SLC38A1: variants seen among roughly 807,000 people sequenced by gnomAD.
SLC38A1 encodes sodium-coupled neutral amino acid symporter 1.
SLC38A1 carries 18 observed loss-of-function variants against 60.3 expected under a neutral mutation model. The observed-to-expected ratio is 0.30, with a 90% CI of 0.21 to 0.44. SLC38A1 has a LOEUF of 0.44. Ranked by LOEUF, SLC38A1 falls within the 20% of genes least tolerant of loss-of-function variation. SLC38A1 has a pLI of 1.00. For synonymous variants in SLC38A1, 196 were observed against 212.1 expected, an observed-to-expected ratio of 0.92 and a Z score of 0.66; for missense variants, 448 against 587.2, an observed-to-expected ratio of 0.76 and a Z score of 2.45.
chr12:46,200,877 A>T (rs187236992), intron 13 of SLC38A1, among the ~76,000 whole-genome samples: 89 of 152,358 alleles, frequency 5.8e-4, no homozygotes, highest in Middle Eastern at 3.4e-3. Context: ...GGACACTGTT[A>T]GGAGAAAAAA....
chr12:46,244,441 A>C (rs893723478), intron 1 of SLC38A1, among the ~76,000 whole-genome samples: 1 of 152,022 alleles, frequency 6.6e-6, no homozygotes, highest in Non-Finnish European at 1.5e-5. Context: ...CATTTCCCAC[A>C]CTCCCTTGCA....
At chr12:46,227,735 C>T (rs1175123849) in intron 5 of SLC38A1, among the ~76,000 whole-genome samples, 5 of 152,090 alleles carry the variant, frequency 3.3e-5, no homozygotes, top group South Asian at 2.1e-4. Flanking sequence ...AGAACCATAG[C>T]GTTTTGGAGG....
At chr12:46,228,088 G>A (rs1011417104) in intron 5 of SLC38A1, among the ~76,000 whole-genome samples, 1 of 152,200 alleles carries the variant, frequency 6.6e-6, no homozygotes, top group Non-Finnish European at 1.5e-5. Flanking sequence ...GGAGGCTAGA[G>A]TTAGGTTCAC....
At chr12:46,195,887 C>A in intron 16 of SLC38A1, 1 of 361,228 alleles carries the variant, frequency 2.8e-6, no homozygotes, top group South Asian at 2.5e-5. Flanking sequence ...AAAGGTAAAT[C>A]CCCTGACCCC....
At position 46,268,165 on chromosome 12, in the gene SLC38A1, C is replaced by G. The variant is rs1431703224; in HGVS notation, c.-209+361G>C. On this transcript the variant is annotated intron_variant, in intron 1 of 16. Coordinates refer to ENST00000398637, the MANE Select transcript of SLC38A1 (RefSeq NM_030674.4). The surrounding 1 kb of genome is among the most constrained non-coding windows in gnomAD (Gnocchi z 4.4). ...CGCCCTCGGGTCAGCTGCGCTCTCCCTCCAGACGTGCGTGGTTCCTGGCTC... is the reference window on the plus strand; with the variant it reads ...CGCCCTCGGGTCAGCTGCGCTCTCCGTCCAGACGTGCGTGGTTCCTGGCTC... Among the ~76,000 whole-genome samples, 2 of 152,204 alleles carry G rather than the reference C, an allele frequency of 1.3e-5. No individual in the cohort carries two copies. The highest frequency in any genetic ancestry group is 1.9e-4 in the East Asian group (1 of 5,196).
chr12:46,218,554 A>T (rs1318308960), intron 5 of SLC38A1, among the ~76,000 whole-genome samples: 2 of 152,172 alleles, frequency 1.3e-5, no homozygotes, highest in Non-Finnish European at 2.9e-5. Context: ...GATGTCAGTC[A>T]TCTTGGGCAA....
At chr12:46,211,845 C>G (rs968825868) in intron 5 of SLC38A1, among the ~76,000 whole-genome samples, 1 of 152,192 alleles carries the variant, frequency 6.6e-6, no homozygotes, top group Non-Finnish European at 1.5e-5. Context: ...CAAAGGATCT[C>G]TTCTTAGTCC....
intron 16 of SLC38A1, among the ~76,000 whole-genome samples, chr12:46,194,957 C>T (rs1037147143): frequency 8.5e-5 from 13 of 152,148 alleles, no homozygotes; most frequent in South Asian, 4.1e-4. Flanking sequence ...ACTCATTCTC[C>T]GTCTAGTTTT....
intron 13 of SLC38A1, 116 bp from the exon 14 acceptor site, chr12:46,198,859 G>A (rs543611489): frequency 8.4e-5 from 57 of 676,568 alleles, no homozygotes; most frequent in South Asian, 3.8e-4. Context: ...GCAATGTTTC[G>A]AAATGTCTAT....
intron 1 of SLC38A1, among the ~76,000 whole-genome samples, chr12:46,256,369 T>C (rs779723622): frequency 6.6e-6 from 1 of 152,108 alleles, no homozygotes; most frequent in Non-Finnish European, 1.5e-5. Flanking sequence ...AATATTTGAT[T>C]TAAGCTTATT....
intron 5 of SLC38A1, 110 bp downstream of exon 5, chr12:46,229,043 A>G (rs965959754): frequency 1.8e-5 from 11 of 618,544 alleles, no homozygotes; most frequent in Non-Finnish European, 3.0e-5. Context: ...TAACTTAGCC[A>G]AGTTAATAAA....
chr12:46,223,128 A>G (rs1384755495), intron 5 of SLC38A1, among the ~76,000 whole-genome samples: 1 of 152,206 alleles, frequency 6.6e-6, no homozygotes, highest in Non-Finnish European at 1.5e-5. Context: ...GGCATCACCA[A>G]AGGCGGTATG....
chr12:46,198,595 TTCTCATA>T (rs1565752089), intron 14 of SLC38A1, 23 bp downstream of exon 14: 1 of 1,462,952 alleles, frequency 6.8e-7, no homozygotes, highest in Admixed American at 2.1e-5. Flanking sequence ...ACCTCAGCTT[TTCTCATA>T]TTGCACAGAG....
intron 1 of SLC38A1, among the ~76,000 whole-genome samples, chr12:46,250,908 C>A (rs985972005): frequency 6.6e-5 from 10 of 152,294 alleles, no homozygotes; most frequent in Admixed American, 3.3e-4. Flanking sequence ...GTGTAAATGG[C>A]CATACTGCCC....
intron 4 of SLC38A1, 42 bp downstream of exon 4, chr12:46,229,522 A>G (rs752812114): frequency 1.4e-6 from 2 of 1,451,948 alleles, no homozygotes; most frequent in Non-Finnish European, 1.9e-6. Flanking sequence ...CCCAATTTAT[A>G]TGATTAAAAA....
intron 1 of SLC38A1, among the ~76,000 whole-genome samples, chr12:46,261,350 C>G: frequency 6.6e-6 from 1 of 151,972 alleles, no homozygotes; most frequent in East Asian, 1.9e-4. Flanking sequence ...GTAGATTACT[C>G]ACTGGCTTAT....
Position 46,185,061 on chromosome 12 carries a change from C to A in SLC38A1, c.*3909G>T, listed in dbSNP as rs1938889809. On this transcript the variant is annotated 3_prime_UTR_variant, in exon 17 of 17. Coordinates refer to ENST00000398637, the MANE Select transcript of SLC38A1 (RefSeq NM_030674.4). The stretch of plus-strand genomic sequence containing the variant: ...GGCTCCTGTATGTTGCACCATGAGT[C>A]CTAGGAATCATCTGGTGAGGGAGGA... 6.6e-6 allele frequency: 1 copy of A among 152,082 alleles called. No individual in the cohort carries two copies. The highest frequency in any genetic ancestry group is 2.1e-4 in the South Asian group (1 of 4,818). The allele number at this position is 152,082 out of a possible 1,614,324, so 9.4% of individuals were successfully genotyped here.
intron 1 of SLC38A1, among the ~76,000 whole-genome samples, chr12:46,257,282 G>C (rs1942062878): frequency 6.6e-6 from 1 of 152,158 alleles, no homozygotes; most frequent in African/African-American, 2.4e-5. Flanking sequence ...GTAGTACCAA[G>C]CCCATTCTTA....
At chr12:46,248,311 C>T (rs1026168450) in intron 1 of SLC38A1, among the ~76,000 whole-genome samples, 1 of 152,086 alleles carries the variant, frequency 6.6e-6, no homozygotes, top group Non-Finnish European at 1.5e-5. Flanking sequence ...CAAAGACACA[C>T]ATAAGCTCAA....
Sources: allele counts gnomAD v4.1 joint callset (sites outside exome capture counted in the v4.1 genomes callset), GRCh38; gene constraint gnomAD v4.1.1; non-coding constraint Gnocchi (gnomAD v3.1); transcripts MANE v1.5; gene names NCBI Gene and HGNC (gene_info 2026-07-23, HGNC 2026-07-21).